Variants in WDFY4 observed in about 807,000 individuals in gnomAD.
The protein encoded by WDFY4 is WDFY family member 4.
Under a neutral mutation model 351.9 loss-of-function variants are expected in WDFY4, and 169 were observed. The observed-to-expected ratio is 0.48, with a 90% confidence interval of 0.42 to 0.55. The LOEUF (loss-of-function observed/expected upper bound fraction) is 0.55, where lower values mean the gene tolerates loss of function less well. WDFY4 is among the 20% of genes least tolerant of loss of function. The probability of loss-of-function intolerance (pLI) is 0.00; values close to 1 mark genes in which losing one functional copy is unlikely to be tolerated. For synonymous variants in WDFY4, 1,622 were observed against 1,574.6 expected, an observed-to-expected ratio of 1.03 and a Z score of -0.71; for missense variants, 3,803 against 3,935.6, an observed-to-expected ratio of 0.97 and a Z score of 0.90.
chr10:48,702,056 C>CT (rs1349436228), intron 1 of WDFY4, among the ~76,000 whole-genome samples: 3 of 152,108 alleles, frequency 2.0e-5, no homozygotes, highest in African/African-American at 7.2e-5. Context: ...AAATAATTTT[C>CT]TTTTTTTAGT....
intron 55 of WDFY4, chr10:48,968,298 T>C (rs1292816558): frequency 2.6e-5 from 4 of 152,298 alleles, no homozygotes; most frequent in African/African-American, 9.6e-5. Context: ...CACTGGGCCT[T>C]GCTTTAAGGG....
At chr10:48,720,924 C>A (rs1283080594) in intron 3 of WDFY4, among the ~76,000 whole-genome samples, 1 of 150,180 alleles carries the variant, frequency 6.7e-6, no homozygotes. Flanking sequence ...GGAATTCTTG[C>A]AGCATAAGAG....
In WDFY4 at chr10:48,863,790, A is replaced by G. The variant is rs146602072; in HGVS notation, c.6664-3475A>G. On this transcript the variant is annotated intron_variant, in intron 39 of 61. Transcript: ENST00000325239. ...GTAATTTATAAAGAAAAGAGGTTTAATTGACTCACAGTTTGGCATGGCTGG... is the reference window on the plus strand; with the variant it reads ...GTAATTTATAAAGAAAAGAGGTTTAGTTGACTCACAGTTTGGCATGGCTGG... Among the ~76,000 whole-genome samples, 324 of 152,314 alleles carry G rather than the reference A, an allele frequency of 2.1e-3. 1 individual carries two copies. Among genetic ancestry groups the G allele is most frequent in the African/African-American group, 6.8e-3 (282 of 41,552 alleles).
At chr10:48,846,483 CTTCGGG>C (rs1240391347) in intron 39 of WDFY4, among the ~76,000 whole-genome samples, 1 of 152,200 alleles carries the variant, frequency 6.6e-6, no homozygotes, top group East Asian at 1.9e-4. Context: ...TCTTGAAGGC[CTTCGGG>C]TTTGCACAGG....
At chr10:48,770,830 G>A (rs1214355732) in intron 13 of WDFY4, among the ~76,000 whole-genome samples, 1 of 152,210 alleles carries the variant, frequency 6.6e-6, no homozygotes, top group Non-Finnish European at 1.5e-5. Flanking sequence ...ACATTCTGGG[G>A]AAGGGGACCC....
chr10:48,982,547 G>T lies in WDFY4; in HGVS notation c.9527G>T (p.Arg3176Ile). 1.3e-6 allele frequency: 2 copies of T among 1,541,430 alleles called. No homozygotes were observed. Among genetic ancestry groups the T allele is most frequent in the Non-Finnish European group, 1.8e-6 (2 of 1,140,508 alleles). ...TKLLVGDERG[R>I]IFCWSADG ...CTCCTGGTTGGTGATGAGAGGGGGAGAATATTCTGCTGGTCTGCAGATGGG... is the reference window on the plus strand; with the variant it reads ...CTCCTGGTTGGTGATGAGAGGGGGATAATATTCTGCTGGTCTGCAGATGGG... The change falls in exon 62 of 62, where the codon AGA (arginine) becomes ATA (isoleucine). Residue 3176 changes from arginine (R) to isoleucine (I), a missense_variant. Arg to Ile is a moderately conservative substitution (Grantham distance 97). This residue lies in a region of WDFY4 where 3,054 missense variants were observed against 3,148.6 expected (regional missense o/e 0.97). Coordinates refer to ENST00000325239, the MANE Select transcript of WDFY4 (RefSeq NM_001394531.1).
chr10:48,840,033 C>T (rs1271578313), intron 39 of WDFY4, among the ~76,000 whole-genome samples: 2 of 152,298 alleles, frequency 1.3e-5, no homozygotes, highest in East Asian at 3.9e-4. Context: ...ACTGTCTGGG[C>T]TAGGAATATT....
intron 54 of WDFY4, among the ~76,000 whole-genome samples, chr10:48,964,529 CTTGCCTAGAATTA>C (rs1482356671): frequency 6.6e-6 from 1 of 152,178 alleles, no homozygotes; most frequent in Non-Finnish European, 1.5e-5. Flanking sequence ...AAATAAATAC[CTTGCCTAGAATTA>C]CACTAACAGC....
intron 58 of WDFY4, 187 bp from the exon 59 acceptor site, chr10:48,976,610 G>A (rs969158765): frequency 2.3e-6 from 1 of 432,990 alleles, no homozygotes; most frequent in East Asian, 3.6e-5. Context: ...AAAGAACCAA[G>A]AATTTACAAC....
chr10:48,805,869 G>T (rs1462231239), intron 26 of WDFY4, 135 bp from the exon 27 acceptor site: 22 of 744,810 alleles, frequency 3.0e-5, no homozygotes, highest in Admixed American at 4.1e-5. Flanking sequence ...GAAATACACA[G>T]CATGCCATGA....
At chr10:48,913,387 G>T in intron 47 of WDFY4, 2 of 1,607,810 alleles carry the variant, frequency 1.2e-6, no homozygotes. Context: ...CAGGTTCCAA[G>T]TCACCTCCAG....
At position 48,733,470 on chromosome 10, in the gene WDFY4, A is replaced by C; in HGVS notation, c.1583-461A>C. On this transcript the variant is annotated intron_variant, in intron 9 of 61. Transcript: ENST00000325239. ...GTTCTCTTGAGCTTCCCCATGACTC[A>C]GGAATGAGCAGGCAGTCATCCCTCC... is the stretch of plus-strand genomic sequence containing the variant. Among the ~76,000 whole-genome samples, 2 of 152,242 alleles carry C rather than the reference A, an allele frequency of 1.3e-5. 1 individual carries two copies. The highest frequency in any genetic ancestry group is 3.8e-4 in the East Asian group (2 of 5,204).
rs1435753287 is a variant in WDFY4, at chr10:48,775,725, C to A, written c.2782C>A (p.Leu928Ile). 4 of 1,551,656 alleles carry A rather than the reference C, an allele frequency of 2.6e-6. No individual in the cohort carries two copies. Among genetic ancestry groups the A allele is most frequent in the Non-Finnish European group, 3.5e-6 (4 of 1,146,960 alleles). The change falls in exon 15 of 62, where the codon CTT becomes ATT. Residue 928 changes from leucine to isoleucine, a missense_variant. Coordinates refer to ENST00000325239, the MANE Select transcript of WDFY4 (RefSeq NM_001394531.1). ...TGTTATGTTCAGACAGTTTCTAGGT[C>A]TTGGAATTCCCTCATCTCTGTCGGC... ...EPDVLRQFLG[L>I]GIPSSLSATT...
Position 48,810,618 on chromosome 10 carries a change from G to T in WDFY4, c.4927G>T (p.Ala1643Ser). The change falls in exon 29 of 62, where the codon GCA (alanine) becomes TCA (serine). Residue 1643 changes from alanine to serine, a missense_variant. Around this residue, in one of 3 missense-constraint regions of WDFY4, gnomAD observed 3,054 missense variants for 3,148.6 expected, o/e 0.97. Transcript: ENST00000325239. Reference protein sequence around the residue: ...GHLHASTTVLALKLLLYFLAS... With the variant: ...GHLHASTTVLSLKLLLYFLAS... Reference sequence around the variant, plus strand: ...CCTGCATGCCAGCACCACTGTGCTGGCATTGAAGCTGCTGCTGTACTTTCT... The same window carrying T: ...CCTGCATGCCAGCACCACTGTGCTGTCATTGAAGCTGCTGCTGTACTTTCT... 1 of 1,551,680 alleles carries T rather than the reference G, an allele frequency of 6.4e-7. No homozygotes were observed. The highest frequency in any genetic ancestry group is 8.7e-7 in the Non-Finnish European group (1 of 1,146,988).
intron 24 of WDFY4, among the ~76,000 whole-genome samples, chr10:48,802,102 C>A (rs537308578): frequency 6.6e-6 from 1 of 151,910 alleles, no homozygotes; most frequent in Admixed American, 6.6e-5. Context: ...AGGCCGGGTA[C>A]GGTGGCTCAC....
intron 47 of WDFY4, among the ~76,000 whole-genome samples, chr10:48,915,519 G>T (rs141290254): frequency 6.6e-6 from 1 of 152,202 alleles, no homozygotes; most frequent in African/African-American, 2.4e-5. Context: ...GCAGGGAGAG[G>T]TGCTCTACAG....
chr10:48,730,579 C>T (rs1242314111), intron 8 of WDFY4, among the ~76,000 whole-genome samples: 1 of 152,206 alleles, frequency 6.6e-6, no homozygotes, highest in African/African-American at 2.4e-5. Flanking sequence ...AGAAACAAAA[C>T]TGATTTTGCT....
intron 45 of WDFY4, 35 bp from the exon 46 acceptor site, chr10:48,900,186 A>T (rs761338306): frequency 6.5e-7 from 1 of 1,541,936 alleles, no homozygotes; most frequent in Middle Eastern, 1.7e-4. Context: ...AGTCCACAAA[A>T]TATCAGGAGC....
At chr10:48,775,856 T>G in intron 15 of WDFY4, 50 bp downstream of exon 15, 1 of 1,468,814 alleles carries the variant, frequency 6.8e-7, no homozygotes, top group South Asian at 1.2e-5. Context: ...TAAAAGATGA[T>G]AGGCATTCCT....
Sources: allele counts gnomAD v4.1 joint callset (sites outside exome capture counted in the v4.1 genomes callset), GRCh38; gene constraint gnomAD v4.1.1; regional missense constraint gnomAD v4.1.1; transcripts MANE v1.5; gene names NCBI Gene and HGNC (gene_info 2026-07-23, HGNC 2026-07-21).